EDA: variants seen among roughly 807,000 people sequenced by gnomAD.
EDA encodes ectodysplasin-A.
Under a neutral mutation model 23.6 loss-of-function variants are expected in EDA, and 2 were observed. The ratio of observed to expected loss-of-function variants is 0.08; its 90% confidence interval spans 0.03 to 0.27. The LOEUF (loss-of-function observed/expected upper bound fraction) is 0.27. EDA is among the 10% of genes least tolerant of loss of function. EDA has a pLI of 1.00. For missense variants in EDA, 229 were observed against 324.2 expected (o/e 0.71, Z 2.26); for synonymous variants, 131 against 132.0 (o/e 0.99, Z 0.05).
At chrX:69,790,930 TTA>T (rs1336282406) in intron 1 of EDA, among the ~76,000 whole-genome samples, 1 of 111,588 alleles carries the variant, frequency 9.0e-6, no homozygotes, top group East Asian at 2.8e-4. Flanking sequence ...ACTGAAGTAG[TTA>T]TGATAAGTGA....
At chrX:69,944,054 A>G (rs1277326720) in intron 1 of EDA, among the ~76,000 whole-genome samples, 1 of 108,806 alleles carries the variant, frequency 9.2e-6, no homozygotes, top group Non-Finnish European at 1.9e-5. Context: ...CAGGCCTGGG[A>G]CTCTTCCTTC....
rs768310532 is a variant in EDA, at chrX:69,957,852, A to G, written c.502+720A>G. Among the ~76,000 whole-genome samples, 8 of 111,948 alleles carry G rather than the reference A, an allele frequency of 7.1e-5. No individual in the cohort carries two copies. In the South Asian group the frequency reaches 2.6e-3, roughly 36 times the overall value. ...ATGTGTTAATTCCAATGATAATTTT[A>G]TCAATGTTGGTATCCACTACCATGC... On this transcript the variant is annotated intron_variant, in intron 2 of 7. Coordinates refer to ENST00000374552, the MANE Select transcript of EDA (RefSeq NM_001399.5).
chrX:69,953,442 T>C (rs1329709805), intron 1 of EDA, among the ~76,000 whole-genome samples: 2 of 112,086 alleles, frequency 1.8e-5, no homozygotes, highest in East Asian at 2.8e-4. Flanking sequence ...CTTTATGTTG[T>C]TGGTGGGCAT....
intron 1 of EDA, among the ~76,000 whole-genome samples, chrX:69,896,782 G>A (rs1307833527): frequency 9.0e-6 from 1 of 110,689 alleles, no homozygotes. Context: ...ACTTATTCAT[G>A]CCTTTAACTT....
chrX:69,809,179 A>G (rs2015883506), intron 1 of EDA, among the ~76,000 whole-genome samples: 1 of 111,740 alleles, frequency 8.9e-6, no homozygotes, highest in African/African-American at 3.3e-5. Flanking sequence ...TCACTGTATT[A>G]GTCTGTTCTC....
chrX:69,692,178 G>A (rs1418791692), intron 1 of EDA, among the ~76,000 whole-genome samples: 1 of 111,736 alleles, frequency 8.9e-6, no homozygotes, highest in Non-Finnish European at 1.9e-5. Context: ...CTGACCAGCT[G>A]TTGTAACATG....
chrX:69,891,108 T>C (rs1408886386), intron 1 of EDA, among the ~76,000 whole-genome samples: 1 of 111,086 alleles, frequency 9.0e-6, no homozygotes, highest in Non-Finnish European at 1.9e-5. Flanking sequence ...AGAAGACATA[T>C]ATGTGGCCAA....
intron 3 of EDA, among the ~76,000 whole-genome samples, chrX:70,026,975 C>G (rs142527004): frequency 0.013 from 1,451 of 111,013 alleles, 28 homozygotes; most frequent in African/African-American, 0.046. Context: ...CATCCTGACT[C>G]CTGGAGGAAC....
At chrX:69,896,742 C>T (rs763125365) in intron 1 of EDA, among the ~76,000 whole-genome samples, 2 of 110,905 alleles carry the variant, frequency 1.8e-5, no homozygotes, top group Non-Finnish European at 3.8e-5. Flanking sequence ...GCCCTTTCCA[C>T]CATACCATGC....
rs935432049 is a variant in EDA at position 69,802,757 on chromosome X, T to G, written c.397-154270T>G. The stretch of plus-strand genomic sequence containing the variant: ...TGTAATATACACTTGTCAATGGCTG[T>G]CTGGCAGTGTCTGCACAGTTTTTCA... On this transcript the variant is annotated intron_variant, in intron 1 of 7. Transcript: ENST00000374552. 3.0e-4 allele frequency among the ~76,000 whole-genome samples: 34 copies of G among 111,738 alleles called. No individual in the cohort carries two copies. In the Admixed American group the frequency reaches 3.2e-3, roughly 11 times the overall value.
chrX:69,958,872 T>G (rs1421733107), intron 2 of EDA, among the ~76,000 whole-genome samples: 2 of 110,777 alleles, frequency 1.8e-5, no homozygotes, highest in Non-Finnish European at 3.8e-5. Flanking sequence ...ACCATCAAAC[T>G]TTTCATAATC....
chrX:69,887,605 TAACTC>T (rs1335913660), intron 1 of EDA, among the ~76,000 whole-genome samples: 3 of 111,521 alleles, frequency 2.7e-5, no homozygotes, highest in African/African-American at 9.8e-5. Context: ...TCAAATGAAA[TAACTC>T]AAAGAAGAAT....
At position 69,822,525 on chromosome X, in the gene EDA, C is replaced by T. The variant is rs780954760; in HGVS notation, c.397-134502C>T. On this transcript the variant is annotated intron_variant, in intron 1 of 7. Coordinates refer to ENST00000374552, the MANE Select transcript of EDA (RefSeq NM_001399.5). ...TTTGAAAGGGCAGAACTCAAGTCAA[C>T]GAGGGTGAGTGCCAAAAAGCCACTT... Among the ~76,000 whole-genome samples the T allele has an allele frequency of 7.2e-5, 8 of 110,626 alleles. No individual in the cohort carries two copies. The East Asian group carries it at 1.4e-3, about 20-fold the overall frequency.
At chrX:69,935,793 A>T (rs967200496) in intron 1 of EDA, among the ~76,000 whole-genome samples, 42 of 109,999 alleles carry the variant, frequency 3.8e-4, no homozygotes, top group African/African-American at 1.4e-3. Context: ...TAAATATTTC[A>T]CAGTCTCTTT....
chrX:70,029,408 C>T, intron 4 of EDA, 96 bp from the exon 5 acceptor site: 1 of 1,012,014 alleles, frequency 9.9e-7, no homozygotes, highest in Non-Finnish European at 1.4e-6. Context: ...ACAGGGCTGG[C>T]TGCAGGGAGC....
intron 1 of EDA, among the ~76,000 whole-genome samples, chrX:69,839,459 G>A (rs1331405055): frequency 8.9e-6 from 1 of 112,068 alleles, no homozygotes; most frequent in Non-Finnish European, 1.9e-5. Flanking sequence ...TTGAGAGAAA[G>A]ATGGTACAAT....
intron 1 of EDA, among the ~76,000 whole-genome samples, chrX:69,706,283 G>A (rs777954413): frequency 2.9e-4 from 32 of 111,932 alleles, no homozygotes; most frequent in Non-Finnish European, 5.3e-4. Flanking sequence ...AGATTTTGAC[G>A]AAGGCATAGA....
chrX:69,764,207 C>T (rs1384215797), intron 1 of EDA, among the ~76,000 whole-genome samples: 2 of 100,558 alleles, frequency 2.0e-5, no homozygotes, highest in East Asian at 3.1e-4. Context: ...CCACCACTAC[C>T]ACTACCACTC....
chrX:69,820,049 T>TGGAAC (rs1306196540), intron 1 of EDA, among the ~76,000 whole-genome samples: 1 of 111,199 alleles, frequency 9.0e-6, no homozygotes, highest in East Asian at 2.8e-4. Context: ...ACCAGACACA[T>TGGAAC]AGACCAATGG....
Sources: allele counts gnomAD v4.1 joint callset (sites outside exome capture counted in the v4.1 genomes callset), GRCh38; gene constraint gnomAD v4.1.1; transcripts MANE v1.5; gene names NCBI Gene and HGNC (gene_info 2026-07-23, HGNC 2026-07-21).